The following ST6GALNAC3 variants were observed in gnomAD, a reference collection of about 807,000 sequenced individuals.
ST6GALNAC3 encodes the protein alpha-N-acetylgalactosaminide alpha-2,6-sialyltransferase 3.
ST6GALNAC3 carries 25 observed loss-of-function variants against 32.7 expected under a neutral mutation model. The ratio of observed to expected loss-of-function variants is 0.76; its 90% CI spans 0.56 to 1.07. ST6GALNAC3 has a LOEUF of 1.07. Among genes scored for constraint, ST6GALNAC3 ranks in the 50% least tolerant of loss-of-function variants. The pLI is 0.00. For synonymous variants in ST6GALNAC3, 129 were observed against 133.1 expected, an observed-to-expected ratio of 0.97 and a Z score of 0.21; for missense variants, 355 against 382.4, an observed-to-expected ratio of 0.93 and a Z score of 0.60.
chr1:76,362,095 G>T (rs1181981328), intron 2 of ST6GALNAC3, among the ~76,000 whole-genome samples: 1 of 152,084 alleles, frequency 6.6e-6, no homozygotes, highest in African/African-American at 2.4e-5. Context: ...ACTGGCATCT[G>T]CTCTGCTTCT....
At chr1:76,313,421 C>T (rs923377068) in intron 1 of ST6GALNAC3, among the ~76,000 whole-genome samples, 1 of 152,112 alleles carries the variant, frequency 6.6e-6, no homozygotes, top group Middle Eastern at 3.4e-3. Flanking sequence ...GGGACTTTAC[C>T]TCTGTTAGAG....
chr1:76,635,420 C>T (rs187232434), downstream of ST6GALNAC3, among the ~76,000 whole-genome samples: 1 of 152,292 alleles, frequency 6.6e-6, no homozygotes, highest in African/African-American at 2.4e-5. Context: ...GTATCTCATT[C>T]AGTTCCCCCA....
At chr1:76,437,656 C>T (rs921408782) in intron 3 of ST6GALNAC3, among the ~76,000 whole-genome samples, 3 of 151,144 alleles carry the variant, frequency 2.0e-5, no homozygotes, top group African/African-American at 7.3e-5. Context: ...CGGCTCACTG[C>T]AACCTCTGCC....
chr1:76,435,667 T>G (rs946080168), intron 3 of ST6GALNAC3, among the ~76,000 whole-genome samples: 1 of 152,136 alleles, frequency 6.6e-6, no homozygotes, highest in Non-Finnish European at 1.5e-5. Flanking sequence ...AATTAATGTT[T>G]CTTTTTTCTT....
intron 3 of ST6GALNAC3, among the ~76,000 whole-genome samples, chr1:76,612,904 A>C (rs1648027646): frequency 6.6e-6 from 1 of 152,216 alleles, no homozygotes; most frequent in African/African-American, 2.4e-5. Context: ...TCAAGGAAAG[A>C]ACTTTGTGCT....
chr1:76,569,167 C>G (rs1221720670), intron 3 of ST6GALNAC3, among the ~76,000 whole-genome samples: 3 of 152,160 alleles, frequency 2.0e-5, no homozygotes, highest in Non-Finnish European at 4.4e-5. Flanking sequence ...CAAACATACA[C>G]TTGTTTGAAG....
intron 1 of ST6GALNAC3, among the ~76,000 whole-genome samples, chr1:76,171,570 G>A (rs1350081258): frequency 2.0e-5 from 3 of 149,486 alleles, no homozygotes; most frequent in East Asian, 2.0e-4. Flanking sequence ...AGAGGGAGAA[G>A]AATCAAATAG....
chr1:76,146,014 A>G (rs1011418580), intron 1 of ST6GALNAC3, among the ~76,000 whole-genome samples: 6 of 152,240 alleles, frequency 3.9e-5, no homozygotes, highest in African/African-American at 1.4e-4. Context: ...TTGAAAACGT[A>G]TGGCCATCTA....
intron 1 of ST6GALNAC3, among the ~76,000 whole-genome samples, chr1:76,306,627 A>G (rs991898985): frequency 6.6e-6 from 1 of 150,386 alleles, no homozygotes; most frequent in African/African-American, 2.4e-5. Flanking sequence ...GAGAAAAATT[A>G]TAGGTAGCAA....
chr1:76,290,004 TTC>T (rs958000241), intron 1 of ST6GALNAC3, among the ~76,000 whole-genome samples: 2 of 152,354 alleles, frequency 1.3e-5, no homozygotes, highest in East Asian at 3.9e-4. Context: ...ACCCAGGATT[TTC>T]TGTTTTTCAG....
At chr1:76,358,133 T>C (rs1649636850) in intron 2 of ST6GALNAC3, among the ~76,000 whole-genome samples, 1 of 152,172 alleles carries the variant, frequency 6.6e-6, no homozygotes, top group South Asian at 2.1e-4. Flanking sequence ...TTGCTGGCTT[T>C]TTTGCCCCTA....
intron 3 of ST6GALNAC3, among the ~76,000 whole-genome samples, chr1:76,611,001 T>C (rs1282933630): frequency 2.6e-5 from 4 of 152,106 alleles, no homozygotes; most frequent in South Asian, 2.1e-4. Context: ...TTTTATGCAA[T>C]AGATGTGTTT....
intron 3 of ST6GALNAC3, among the ~76,000 whole-genome samples, chr1:76,599,029 TTC>T (rs1318651777): frequency 6.6e-6 from 1 of 152,210 alleles, no homozygotes; most frequent in Non-Finnish European, 1.5e-5. Context: ...TATTATTTGC[TTC>T]TTTTTTCATG....
At chr1:76,391,141 C>T (rs986507967) in intron 2 of ST6GALNAC3, among the ~76,000 whole-genome samples, 1 of 151,802 alleles carries the variant, frequency 6.6e-6, no homozygotes, top group East Asian at 1.9e-4. Context: ...GGAGTTTCAC[C>T]GTGTTAGCCA....
At chr1:76,623,696 C>T (rs528551674) in intron 3 of ST6GALNAC3, among the ~76,000 whole-genome samples, 4 of 152,070 alleles carry the variant, frequency 2.6e-5, no homozygotes, top group East Asian at 3.9e-4. Flanking sequence ...AGCTGGAAAT[C>T]ATAAACAATT....
At chr1:76,208,115 A>AACT in intron 1 of ST6GALNAC3, among the ~76,000 whole-genome samples, 1 of 79,470 alleles carries the variant, frequency 1.3e-5, no homozygotes, top group South Asian at 8.2e-4. Context: ...AGGATCCTGT[A>AACT]ACCCACTTAA....
At chr1:76,180,698 T>C (rs12136476) in intron 1 of ST6GALNAC3, among the ~76,000 whole-genome samples, 29,879 of 152,086 alleles carry the variant, frequency 0.2, 3,067 homozygotes, top group African/African-American at 0.22. Context: ...AGCGCCTGAA[T>C]GTCAGCAGGA....
intron 1 of ST6GALNAC3, among the ~76,000 whole-genome samples, chr1:76,140,797 ATTTTTTTTTT>A (rs3042284): frequency 8.3e-5 from 10 of 120,416 alleles, no homozygotes; most frequent in Non-Finnish European, 1.4e-4. Flanking sequence ...TAATTTTCTA[ATTTTTTTTTT>A]TTTTTTTTTT....
At chr1:76,400,400 G>A (rs1653312293) in intron 2 of ST6GALNAC3, among the ~76,000 whole-genome samples, 1 of 152,092 alleles carries the variant, frequency 6.6e-6, no homozygotes, top group African/African-American at 2.4e-5. Flanking sequence ...AGAGTTGTAA[G>A]TTTCTGAACA....
Sources: gnomAD v4.1 joint callset for allele counts (sites outside exome capture counted in the v4.1 genomes callset) on GRCh38, gnomAD v4.1.1 for gene constraint, MANE v1.5 for transcripts, NCBI Gene and HGNC (gene_info 2026-07-23, HGNC 2026-07-21) for gene names.